DNAH8: variants seen among roughly 807,000 people sequenced by gnomAD.
DNAH8 encodes axonemal beta dynein heavy chain 8.
DNAH8 carries 382 observed loss-of-function variants against 562.1 expected under a neutral mutation model. The observed-to-expected ratio is 0.68, with a 90% CI of 0.63 to 0.74. The LOEUF (loss-of-function observed/expected upper bound fraction) is 0.74, where lower values mean the gene tolerates loss of function less well. DNAH8 is among the 30% of genes least tolerant of loss of function. The probability of loss-of-function intolerance (pLI) is 0.00; values close to 1 mark genes in which losing one functional copy is unlikely to be tolerated. For missense variants in DNAH8, 5,203 were observed against 5,620.4 expected (o/e 0.93, Z 2.37); for synonymous variants, 1,881 against 1,919.4 (o/e 0.98, Z 0.52).
At chr6:38,807,551 G>T in intron 23 of DNAH8, 59 bp from the exon 24 acceptor site, 1 of 803,836 alleles carries the variant, frequency 1.2e-6, no homozygotes, top group South Asian at 2.9e-5. Context: ...CATTGTTTTG[G>T]GGATGCTCTA....
At chr6:38,881,248 TG>T (rs1418507602) in intron 53 of DNAH8, among the ~76,000 whole-genome samples, 2 of 152,190 alleles carry the variant, frequency 1.3e-5, no homozygotes, top group African/African-American at 4.8e-5. Context: ...AACATGAAAT[TG>T]GGGTTATTAC....
intron 82 of DNAH8, among the ~76,000 whole-genome samples, chr6:38,953,819 C>T (rs907432470): frequency 1.3e-5 from 2 of 151,230 alleles, no homozygotes; most frequent in African/African-American, 4.9e-5. Flanking sequence ...GTGAATGTGA[C>T]TGGAAATCTT....
At chr6:38,842,942 A>G (rs1031920793) in intron 35 of DNAH8, 39 bp downstream of exon 35, 3 of 1,596,400 alleles carry the variant, frequency 1.9e-6, no homozygotes, top group Admixed American at 3.5e-5. Context: ...GATCCATTAA[A>G]GAATGTCTGC....
chr6:38,737,269 T>C lies in DNAH8; in HGVS notation c.952+13T>C. On this transcript the variant is annotated intron_variant, in intron 6 of 92. Coordinates refer to ENST00000327475, the MANE Select transcript of DNAH8 (RefSeq NM_001206927.2). The stretch of plus-strand genomic sequence containing the variant: ...TCATTTTTAGATGGTAAGTATAAAA[T>C]TTAATGTTTAGCAAATTGCAAAAAA... 2 of 1,390,592 alleles carry C rather than the reference T, an allele frequency of 1.4e-6. No homozygotes were observed. The highest frequency in any genetic ancestry group is 9.4e-7 in the Non-Finnish European group (1 of 1,060,494). The allele number at this position is 1,390,592 out of a possible 1,614,324, so 86.1% of individuals were successfully genotyped here. A position where few individuals can be genotyped will look rare whatever the true frequency, so the allele number is the denominator to read the frequency against.
At chr6:38,982,727 A>G (rs1583502885) in intron 86 of DNAH8, among the ~76,000 whole-genome samples, 1 of 152,234 alleles carries the variant, frequency 6.6e-6, no homozygotes, top group Admixed American at 6.5e-5. Context: ...GTGCACTTCA[A>G]GAGAAGGTGT....
chr6:38,761,192 G>A (rs1287709958), intron 10 of DNAH8, among the ~76,000 whole-genome samples: 1 of 149,452 alleles, frequency 6.7e-6, no homozygotes, highest in East Asian at 2.0e-4. Flanking sequence ...CATGTGCCAT[G>A]TTGGTGTGCT....
At chr6:38,872,805 A>G (rs1460718309) in intron 50 of DNAH8, 23 bp downstream of exon 50, 1 of 1,612,848 alleles carries the variant, frequency 6.2e-7, no homozygotes, top group Non-Finnish European at 8.5e-7. Flanking sequence ...CTCCTTTGTG[A>G]TCATTTTTTC....
intron 91 of DNAH8, among the ~76,000 whole-genome samples, chr6:39,021,159 C>G (rs1429343053): frequency 6.6e-6 from 1 of 152,182 alleles, no homozygotes; most frequent in African/African-American, 2.4e-5. Flanking sequence ...AATAAATTTT[C>G]TGAAAAGCTT....
Position 38,786,811 on chromosome 6 carries a change from G to C in DNAH8, c.2442G>C (p.Leu814Phe), listed in dbSNP as rs762609369. 2.5e-6 allele frequency: 4 copies of C among 1,612,720 alleles called. No individual in the cohort carries two copies. Among genetic ancestry groups the C allele is most frequent in the South Asian group, 1.1e-5 (1 of 90,694 alleles). The change falls in exon 18 of 93, where the codon TTG becomes TTC. Residue 814 changes from leucine to phenylalanine, a missense_variant. Physicochemically the swap from Leu to Phe is conservative, Grantham distance 22. Coordinates refer to ENST00000327475, the MANE Select transcript of DNAH8 (RefSeq NM_001206927.2). Reference protein sequence around the residue: ...LFVRHPETGKLLVNFDPKILE... With the variant: ...LFVRHPETGKFLVNFDPKILE... ...TGCGACATCCAGAAACAGGGAAGTTGCTGGTTAATTTCGATCCCAAAATTT... is the reference window on the plus strand; with the variant it reads ...TGCGACATCCAGAAACAGGGAAGTTCCTGGTTAATTTCGATCCCAAAATTT...
chr6:38,853,095 T>C, intron 40 of DNAH8, 91 bp from the exon 41 acceptor site: 1 of 959,196 alleles, frequency 1.0e-6, no homozygotes, highest in Non-Finnish European at 1.6e-6. Context: ...TTGCTTGGCA[T>C]AGGGCACTAT....
rs186102780 is a variant in DNAH8 at position 38,733,098 on chromosome 6, C to G, written c.611-1376C>G. ...GTATTGACAAGGTCTTACTGTGTTG[C>G]CCAGGTTGGTCTCAAACTTCTGGGT... On this transcript the variant is annotated intron_variant, in intron 4 of 92. Coordinates refer to ENST00000327475, the MANE Select transcript of DNAH8 (RefSeq NM_001206927.2). 5.3e-5 allele frequency among the ~76,000 whole-genome samples: 8 copies of G among 152,160 alleles called. No individual in the cohort carries two copies. In the East Asian group the frequency reaches 1.5e-3, roughly 29 times the overall value.
intron 29 of DNAH8, 130 bp downstream of exon 29, chr6:38,826,521 T>C (rs1426367363): frequency 6.2e-6 from 4 of 643,372 alleles, no homozygotes; most frequent in Non-Finnish European, 1.1e-5. Flanking sequence ...TTCTCGTCTC[T>C]GATGTTGATG....
chr6:38,989,865 T>C, intron 87 of DNAH8, 147 bp from the exon 88 acceptor site: 1 of 548,970 alleles, frequency 1.8e-6, no homozygotes, highest in African/African-American at 1.9e-5. Context: ...GTGGTAATTA[T>C]TCTATCAGTA....
intron 32 of DNAH8, among the ~76,000 whole-genome samples, chr6:38,835,119 G>T (rs1774172474): frequency 6.6e-6 from 1 of 152,056 alleles, no homozygotes; most frequent in Non-Finnish European, 1.5e-5. Context: ...CACTCGGATT[G>T]CTGAGCGCGT....
At chr6:38,790,676 A>G (rs1436802672) in intron 20 of DNAH8, among the ~76,000 whole-genome samples, 1 of 151,962 alleles carries the variant, frequency 6.6e-6, no homozygotes, top group African/African-American at 2.4e-5. Flanking sequence ...TACAAAAATT[A>G]GCTGGACATG....
intron 88 of DNAH8, among the ~76,000 whole-genome samples, chr6:39,001,271 G>C (rs1391881595): frequency 6.6e-6 from 1 of 151,870 alleles, no homozygotes; most frequent in Non-Finnish European, 1.5e-5. Context: ...ATGGGAATTA[G>C]CATTTTGCAT....
chr6:38,778,430 T>G lies in DNAH8; in HGVS notation c.2005T>G (p.Leu669Val), dbSNP rs763516063. The G allele has an allele frequency of 1.3e-6, 2 of 1,596,770 alleles. No homozygotes were observed. Among genetic ancestry groups the G allele is most frequent in the African/African-American group, 1.3e-5 (1 of 74,718 alleles). ...AFMNSSFGKI[L>V]SSQQALQLLQ... is the part of the protein sequence containing the mutation. ...TATGAACAGTAGTTTTGGGAAAATC[T>G]TATCTTCTCAGCAGGCTCTTCAGCT... The change falls in exon 14 of 93, where the codon TTA becomes GTA. Residue 669 changes from leucine to valine, a missense_variant. Around this residue, in one of 6 missense-constraint regions of DNAH8, gnomAD observed 2,176 missense variants for 2,365.1 expected, o/e 0.92. Coordinates refer to ENST00000327475, the MANE Select transcript of DNAH8 (RefSeq NM_001206927.2).
At chr6:38,784,204 G>T (rs1445224070) in intron 17 of DNAH8, among the ~76,000 whole-genome samples, 1 of 152,158 alleles carries the variant, frequency 6.6e-6, no homozygotes, top group African/African-American at 2.4e-5. Context: ...GGACCCTGTG[G>T]ACTCTAAAGA....
intron 83 of DNAH8, among the ~76,000 whole-genome samples, chr6:38,972,334 A>G (rs1763402489): frequency 6.6e-6 from 1 of 152,188 alleles, no homozygotes; most frequent in South Asian, 2.1e-4. Flanking sequence ...TTCCCTGGGA[A>G]TTAATGACTA....
Sources: allele counts gnomAD v4.1 joint callset (sites outside exome capture counted in the v4.1 genomes callset), GRCh38; gene constraint gnomAD v4.1.1; regional missense constraint gnomAD v4.1.1; transcripts MANE v1.5; gene names NCBI Gene and HGNC (gene_info 2026-07-23, HGNC 2026-07-21).